MBNL1: variants seen among roughly 807,000 people sequenced by gnomAD.
MBNL1 encodes muscleblind like splicing regulator 1, also known as muscleblind-like protein 1.
Under a neutral mutation model 42.2 loss-of-function variants are expected in MBNL1, and 8 were observed. The observed-to-expected ratio is 0.19, with a 90% confidence interval of 0.11 to 0.34. MBNL1 has a LOEUF of 0.34. MBNL1 is among the 10% of genes least tolerant of loss of function. The pLI is 1.00. For synonymous variants in MBNL1, 169 were observed against 173.9 expected (o/e 0.97, Z 0.22); for missense variants, 309 against 495.3 (o/e 0.62, Z 3.57).
chr3:152,410,518 G>T (rs1159701569), intron 2 of MBNL1, among the ~76,000 whole-genome samples: 1 of 152,124 alleles, frequency 6.6e-6, no homozygotes, highest in East Asian at 1.9e-4. Flanking sequence ...AATATATACT[G>T]CATATATTGC....
Position 152,387,643 on chromosome 3 carries a change from C to T in MBNL1, c.175-27298C>T, listed in dbSNP as rs368757385. Among the ~76,000 whole-genome samples, 4 of 152,070 alleles carry T rather than the reference C, an allele frequency of 2.6e-5. No individual in the cohort carries two copies. The East Asian group carries it at 5.8e-4, about 22-fold the overall frequency. On this transcript the variant is annotated intron_variant, in intron 2 of 9. Transcript: ENST00000324210. ...CTTACTGTGTTTTTGGATTTTTGTC[C>T]TTTTCATCAGAAGTCACAGAAAGCT...
chr3:152,318,925 A>T (rs1373588289), intron 2 of MBNL1, among the ~76,000 whole-genome samples: 2 of 152,196 alleles, frequency 1.3e-5, no homozygotes, highest in Non-Finnish European at 2.9e-5. Flanking sequence ...TATCATGTTA[A>T]TATTTAAAAC....
intron 2 of MBNL1, among the ~76,000 whole-genome samples, chr3:152,352,587 T>C (rs1321834556): frequency 2.0e-5 from 3 of 152,132 alleles, no homozygotes; most frequent in East Asian, 1.9e-4. Flanking sequence ...TTTTTTGCTG[T>C]TGTTGTTTTT....
At chr3:152,432,400 A>G (rs747319512) in intron 3 of MBNL1, among the ~76,000 whole-genome samples, 1 of 152,194 alleles carries the variant, frequency 6.6e-6, no homozygotes, top group Admixed American at 6.5e-5. Context: ...AGATTAGATG[A>G]CCACAAGAAG....
At chr3:152,319,992 T>G (rs569175430) in intron 2 of MBNL1, among the ~76,000 whole-genome samples, 1 of 152,266 alleles carries the variant, frequency 6.6e-6, no homozygotes, top group Admixed American at 6.5e-5. Flanking sequence ...TAGAATACAC[T>G]ACATTATTCT....
chr3:152,390,265 T>G (rs2097652236), intron 2 of MBNL1, among the ~76,000 whole-genome samples: 1 of 152,006 alleles, frequency 6.6e-6, no homozygotes. Flanking sequence ...CTCTATTTTT[T>G]TTTTTATTTT....
chr3:152,324,236 A>G (rs2078149816), intron 2 of MBNL1, among the ~76,000 whole-genome samples: 1 of 152,106 alleles, frequency 6.6e-6, no homozygotes. Flanking sequence ...TTACTTATTC[A>G]TTTTCATTGC....
At chr3:152,355,280 G>A (rs1412389623) in intron 2 of MBNL1, among the ~76,000 whole-genome samples, 1 of 152,162 alleles carries the variant, frequency 6.6e-6, no homozygotes, top group African/African-American at 2.4e-5. Flanking sequence ...CTATCTTATA[G>A]TGTTGTTATG....
intron 2 of MBNL1, chr3:152,396,085 G>C (rs771123987): frequency 1.3e-5 from 3 of 234,808 alleles, no homozygotes; most frequent in Non-Finnish European, 2.5e-5. Context: ...ATTGTGAACT[G>C]TGCATGCAGG....
intron 1 of MBNL1, among the ~76,000 whole-genome samples, chr3:152,293,481 T>C (rs2057093130): frequency 2.6e-5 from 4 of 152,224 alleles, no homozygotes; most frequent in Admixed American, 1.3e-4. Context: ...CTTAGTTTAC[T>C]AAAGAACTGC....
chr3:152,275,989 T>C (rs1014751973), intron 1 of MBNL1, among the ~76,000 whole-genome samples: 5 of 152,130 alleles, frequency 3.3e-5, no homozygotes, highest in African/African-American at 1.2e-4. Context: ...TAAATATTTA[T>C]GAAAATAGTA....
At chr3:152,295,004 T>C (rs2057972541) in intron 1 of MBNL1, among the ~76,000 whole-genome samples, 1 of 152,236 alleles carries the variant, frequency 6.6e-6, no homozygotes, top group Non-Finnish European at 1.5e-5. Flanking sequence ...TTACCCACAG[T>C]GCCCTATATC....
intron 2 of MBNL1, among the ~76,000 whole-genome samples, chr3:152,304,590 T>C (rs2062116993): frequency 6.6e-6 from 1 of 152,236 alleles, no homozygotes. Context: ...CTGGCACATA[T>C]ATTCAATGTG....
chr3:152,400,592 T>G (rs2098172776), intron 2 of MBNL1, among the ~76,000 whole-genome samples: 1 of 152,198 alleles, frequency 6.6e-6, no homozygotes, highest in Non-Finnish European at 1.5e-5. Context: ...TATCCCCGCT[T>G]TTTCCTTGAA....
chr3:152,412,321 T>C (rs2098600265), intron 2 of MBNL1, among the ~76,000 whole-genome samples: 1 of 152,142 alleles, frequency 6.6e-6, no homozygotes, highest in Non-Finnish European at 1.5e-5. Flanking sequence ...CTTTGCACAA[T>C]TGTATTTTGT....
intron 1 of MBNL1, among the ~76,000 whole-genome samples, chr3:152,297,577 A>T (rs576426899): frequency 6.6e-6 from 1 of 151,974 alleles, no homozygotes; most frequent in Non-Finnish European, 1.5e-5. Context: ...GTTGGTCTCG[A>T]ACACCTGACC....
intron 2 of MBNL1, among the ~76,000 whole-genome samples, chr3:152,391,439 C>T (rs75453690): frequency 2.6e-5 from 4 of 152,098 alleles, no homozygotes; most frequent in Non-Finnish European, 4.4e-5. Context: ...TCTATGTTTT[C>T]GTTTTTTCTT....
intron 9 of MBNL1, among the ~76,000 whole-genome samples, chr3:152,461,398 G>A (rs575304807): frequency 1.2e-4 from 18 of 152,284 alleles, no homozygotes; most frequent in Non-Finnish European, 2.4e-4. Context: ...CAGTGTTGTA[G>A]GTTTAGAAGA....
intron 4 of MBNL1, among the ~76,000 whole-genome samples, chr3:152,444,121 G>A (rs1482123111): frequency 1.3e-5 from 2 of 152,112 alleles, no homozygotes; most frequent in East Asian, 1.9e-4. Flanking sequence ...TAGTATCTGC[G>A]TTTGCTATTT....
Sources: gnomAD v4.1 joint callset for allele counts (sites outside exome capture counted in the v4.1 genomes callset) on GRCh38, gnomAD v4.1.1 for gene constraint, MANE v1.5 for transcripts, NCBI Gene and HGNC (gene_info 2026-07-23, HGNC 2026-07-21) for gene names.